Variants in SKIL observed in about 807,000 individuals in gnomAD.
SKIL encodes the protein ski-like protein.
Under a neutral mutation model 69.6 loss-of-function variants are expected in SKIL, and 20 were observed. That is an observed-to-expected ratio of 0.29 (90% CI 0.20 to 0.42). SKIL has a LOEUF of 0.42. Among genes scored for constraint, SKIL ranks in the 10% least tolerant of loss-of-function variants. The pLI, the probability that SKIL is intolerant of heterozygous loss-of-function variation, is 1.00. For synonymous variants in SKIL, 310 were observed against 279.9 expected, an observed-to-expected ratio of 1.11 and a Z score of -1.08; for missense variants, 745 against 783.1, an observed-to-expected ratio of 0.95 and a Z score of 0.58.
At chr3:170,366,075 A>G (rs1244253458) in intron 2 of SKIL, among the ~76,000 whole-genome samples, 1 of 145,756 alleles carries the variant, frequency 6.9e-6, no homozygotes, top group Admixed American at 6.9e-5. Context: ...TTTTTTTTTA[A>G]GACTGTACTA....
chr3:170,369,672 G>A (rs1022038171), intron 2 of SKIL, among the ~76,000 whole-genome samples: 1 of 152,068 alleles, frequency 6.6e-6, no homozygotes, highest in Non-Finnish European at 1.5e-5. Flanking sequence ...AAAGTGCTGG[G>A]ATTACAGGCG....
intron 2 of SKIL, among the ~76,000 whole-genome samples, chr3:170,365,377 A>G (rs1161104966): frequency 6.6e-6 from 1 of 152,192 alleles, no homozygotes; most frequent in Non-Finnish European, 1.5e-5. Context: ...AAAATCTGAA[A>G]TGCTCTAAAG....
At chr3:170,369,755 A>C (rs1736708885) in intron 2 of SKIL, among the ~76,000 whole-genome samples, 2 of 152,262 alleles carry the variant, frequency 1.3e-5, no homozygotes, top group South Asian at 4.1e-4. Context: ...GTGATTGTCG[A>C]GCTAGAATTC....
chr3:170,373,242 C>T (rs1736874786), intron 2 of SKIL, among the ~76,000 whole-genome samples: 1 of 151,542 alleles, frequency 6.6e-6, no homozygotes, highest in East Asian at 1.9e-4. Context: ...TCTCGGCTCA[C>T]TACACCCTCC....
Position 170,393,243 on chromosome 3 carries a change from C to G in SKIL, c.*826C>G, listed in dbSNP as rs759871489. Reference sequence around the variant, plus strand: ...TGATACCACTGTTGTGTATCAGTTTCTATACAATCCATAATCCTCCTGTAC... The same window carrying G: ...TGATACCACTGTTGTGTATCAGTTTGTATACAATCCATAATCCTCCTGTAC... On this transcript the variant is annotated 3_prime_UTR_variant, in exon 7 of 7. Transcript: ENST00000259119. The G allele has an allele frequency of 1.6e-4, 24 of 152,016 alleles. No homozygotes were observed. Among genetic ancestry groups the G allele is most frequent in the Admixed American group, 6.5e-5 (1 of 15,270 alleles). 9.4% of individuals were successfully genotyped at this position (152,016 alleles called of 1,614,324 possible).
intron 2 of SKIL, among the ~76,000 whole-genome samples, chr3:170,378,879 TTA>T (rs869272579): frequency 6.2e-5 from 9 of 144,682 alleles, no homozygotes; most frequent in African/African-American, 2.5e-4. Context: ...ATTTATTTAT[TTA>T]TTTTTTTTAT....
In SKIL at chr3:170,384,649, C is replaced by A; in HGVS notation, c.1313C>A (p.Ser438Ter). Residue 438 changes from serine (S) to a stop codon, truncating the protein, a stop_gained, in exon 4 of 7, where the codon TCA (serine) becomes TAA (stop). Coordinates refer to ENST00000259119, the MANE Select transcript of SKIL (RefSeq NM_005414.5). LOFTEE classifies it high-confidence loss of function. The part of the protein sequence containing the change: ...TEASKSISRQ[S>*]EKAHSSGKLQ... ...GCAAGTAAGTCCATATCAAGACAGT[C>A]AGAGAAGGCTCACAGTAGTGGTAAA... 1 of 1,611,024 alleles carries A rather than the reference C, an allele frequency of 6.2e-7. No individual in the cohort carries two copies. The highest frequency in any genetic ancestry group is 1.1e-5 in the South Asian group (1 of 91,018).
At chr3:170,384,947 C>G in intron 4 of SKIL, 182 bp downstream of exon 4, 1 of 481,086 alleles carries the variant, frequency 2.1e-6, no homozygotes, top group East Asian at 3.4e-5. Flanking sequence ...ACTTTTCTAG[C>G]GTGGTGATAG....
rs1396498227 is a variant in SKIL, at chr3:170,360,775, G to A, written c.444G>A (p.Val148=). 6.2e-7 allele frequency: 1 copy of A among 1,614,106 alleles called. No individual in the cohort carries two copies. Among genetic ancestry groups the A allele is most frequent in the African/African-American group, 1.3e-5 (1 of 74,938 alleles). The part of the protein sequence containing the change: ...SDSSTELTQT[V]LEGESISCFQ... ...GCTCCACAGAACTCACTCAGACTGTGTTGGAAGGGGAATCTATTTCTTGTT... is the reference window on the plus strand; with the variant it reads ...GCTCCACAGAACTCACTCAGACTGTATTGGAAGGGGAATCTATTTCTTGTT... The change falls in exon 2 of 7, where the codon GTG becomes GTA. Residue 148 remains valine (V), a synonymous_variant. Coordinates refer to ENST00000259119, the MANE Select transcript of SKIL (RefSeq NM_005414.5).
intron 4 of SKIL, among the ~76,000 whole-genome samples, chr3:170,389,175 G>A (rs546108445): frequency 6.6e-6 from 1 of 151,200 alleles, no homozygotes; most frequent in South Asian, 2.1e-4. Context: ...ATCCAGCCAA[G>A]AAATTTATGT....
rs773522138 is a variant in SKIL at position 170,361,347 on chromosome 3, C to T, written c.1016C>T (p.Pro339Leu). ...GTGAACCAAAAATACTTAGGAACAC[C>T]TGAAGAAAAGAAACTGAAGATAATT... ...LHVNQKYLGTPEEKKLKIILE... is the reference protein window; with the variant it reads ...LHVNQKYLGTLEEKKLKIILE... Residue 339 changes from proline to leucine, a missense_variant, in exon 2 of 7, where the codon CCT (proline) becomes CTT (leucine). Pro to Leu is a moderately conservative substitution (Grantham distance 98). Transcript: ENST00000259119. The T allele has an allele frequency of 1.2e-6, 2 of 1,610,830 alleles. No individual in the cohort carries two copies. Among genetic ancestry groups the T allele is most frequent in the Non-Finnish European group, 8.5e-7 (1 of 1,179,094 alleles).
intron 2 of SKIL, among the ~76,000 whole-genome samples, chr3:170,373,573 A>C (rs569595662): frequency 6.6e-6 from 1 of 152,320 alleles, no homozygotes; most frequent in African/African-American, 2.4e-5. Flanking sequence ...TGGTTTCTTT[A>C]GTTCATTAAT....
intron 4 of SKIL, chr3:170,385,007 A>C (rs1036664125): frequency 1.4e-4 from 38 of 279,290 alleles, no homozygotes; most frequent in Non-Finnish European, 2.3e-4. Context: ...ACTGCAAGTT[A>C]TTTTTGTCCG....
At chr3:170,391,464 C>A (rs545424448) in intron 6 of SKIL, among the ~76,000 whole-genome samples, 1 of 151,908 alleles carries the variant, frequency 6.6e-6, no homozygotes, top group Non-Finnish European at 1.5e-5. Flanking sequence ...GGATTACAGG[C>A]GTGCGACACT....
At chr3:170,376,593 C>T (rs964604388) in intron 2 of SKIL, among the ~76,000 whole-genome samples, 3 of 151,690 alleles carry the variant, frequency 2.0e-5, no homozygotes, top group African/African-American at 2.4e-5. Context: ...ATTTTTTTAA[C>T]GAGACAGGGT....
At chr3:170,374,901 G>A (rs1005696406) in intron 2 of SKIL, among the ~76,000 whole-genome samples, 2 of 152,204 alleles carry the variant, frequency 1.3e-5, no homozygotes, top group Non-Finnish European at 1.5e-5. Context: ...TCATGGAGTA[G>A]AGGGATATCA....
At chr3:170,376,808 T>A (rs559901736) in intron 2 of SKIL, among the ~76,000 whole-genome samples, 45 of 152,254 alleles carry the variant, frequency 3.0e-4, no homozygotes, top group African/African-American at 1.1e-3. Flanking sequence ...ACTCCTGAGC[T>A]GAAGCAGTCT....
chr3:170,386,465 G>T (rs991353785), intron 4 of SKIL, among the ~76,000 whole-genome samples: 4 of 151,922 alleles, frequency 2.6e-5, no homozygotes, highest in African/African-American at 9.7e-5. Flanking sequence ...AGGGTTTTTT[G>T]TTTCGTTTTT....
chr3:170,378,262 G>A (rs1737135985), intron 2 of SKIL, among the ~76,000 whole-genome samples: 2 of 152,254 alleles, frequency 1.3e-5, no homozygotes, highest in Middle Eastern at 3.4e-3. Context: ...TTCTAAGAGC[G>A]GTTTCCTTTC....
Sources: gnomAD v4.1 joint callset for allele counts (sites outside exome capture counted in the v4.1 genomes callset) on GRCh38, gnomAD v4.1.1 for gene constraint, MANE v1.5 for transcripts, NCBI Gene and HGNC (gene_info 2026-07-23, HGNC 2026-07-21) for gene names.